The following ITSN1 variants were observed in gnomAD, a reference collection of about 807,000 sequenced individuals.
ITSN1 encodes the protein intersectin-1.
ITSN1 carries 58 observed loss-of-function variants against 239.8 expected under a neutral mutation model. The observed-to-expected ratio is 0.24, with a 90% CI of 0.20 to 0.30. The LOEUF (loss-of-function observed/expected upper bound fraction) is 0.30. Among genes scored for constraint, ITSN1 ranks in the 10% least tolerant of loss-of-function variants. ITSN1 has a pLI of 1.00. For missense variants in ITSN1, 1,558 were observed against 2,103.3 expected, an observed-to-expected ratio of 0.74 and a Z score of 5.07; for synonymous variants, 780 against 770.8, an observed-to-expected ratio of 1.01 and a Z score of -0.20.
intron 20 of ITSN1, among the ~76,000 whole-genome samples, chr21:33,802,946 C>T (rs2072121070): frequency 6.6e-6 from 1 of 152,092 alleles, no homozygotes; most frequent in Non-Finnish European, 1.5e-5. Context: ...AAGGGTTACC[C>T]CTGTTACATA....
chr21:33,821,968 C>T (rs2073703152), intron 24 of ITSN1, among the ~76,000 whole-genome samples: 1 of 152,166 alleles, frequency 6.6e-6, no homozygotes, highest in Admixed American at 6.5e-5. Flanking sequence ...TTAAAGCCAC[C>T]AAACTTTGAT....
At chr21:33,708,248 A>G (rs1437298417) in intron 1 of ITSN1, among the ~76,000 whole-genome samples, 1 of 152,146 alleles carries the variant, frequency 6.6e-6, no homozygotes, top group Non-Finnish European at 1.5e-5. Flanking sequence ...GATATTGTGG[A>G]TACAAGTACT....
At chr21:33,862,803 C>T (rs1318856638) in intron 31 of ITSN1, among the ~76,000 whole-genome samples, 2 of 152,138 alleles carry the variant, frequency 1.3e-5, no homozygotes, top group Non-Finnish European at 2.9e-5. Context: ...GCCTGAGTTT[C>T]CCCAATAGGA....
At chr21:33,794,566 C>G (rs754855925) in intron 17 of ITSN1, 98 bp downstream of exon 17, 14 of 1,470,698 alleles carry the variant, frequency 9.5e-6, no homozygotes, top group Middle Eastern at 1.8e-4. Context: ...CCAGAAAGAG[C>G]CTTCAGTCTT....
In ITSN1 at chr21:33,836,457, G is replaced by T. The variant is rs757002447; in HGVS notation, c.3486G>T (p.Gly1162=). The T allele has an allele frequency of 3.7e-6, 6 of 1,609,398 alleles. No homozygotes were observed. In the South Asian group the frequency reaches 6.6e-5, roughly 18 times the overall value. Residue 1162 remains glycine (G), a synonymous_variant, in exon 29 of 40, where the codon GGG becomes GGT. Coordinates refer to ENST00000381318, the MANE Select transcript of ITSN1 (RefSeq NM_003024.3). ...TALAAVCQVI[G]MYDYTAQNDD... ...CTCCTGCAGTGTGCCAGGTGATTGG[G>T]ATGTACGACTACACCGCGCAGAATG...
In ITSN1 at chr21:33,834,394, G is replaced by C; in HGVS notation, c.3439G>C (p.Glu1147Gln). Reference protein sequence around the residue: ...SPGTSKITPTEPPKSTALAAV... With the variant: ...SPGTSKITPTQPPKSTALAAV... Reference sequence around the variant, plus strand: ...TGGGACGAGCAAAATCACTCCAACAGAGCCACCTAAGTCAACAGCATTAGC... The same window carrying C: ...TGGGACGAGCAAAATCACTCCAACACAGCCACCTAAGTCAACAGCATTAGC... The change falls in exon 28 of 40, where the codon GAG becomes CAG. Residue 1147 changes from glutamate (E) to glutamine (Q), a missense_variant. By Grantham distance (29) the Glu-to-Gln change is conservative. Coordinates refer to ENST00000381318, the MANE Select transcript of ITSN1 (RefSeq NM_003024.3). The C allele has an allele frequency of 6.2e-7, 1 of 1,613,386 alleles. No homozygotes were observed. The highest frequency in any genetic ancestry group is 1.3e-5 in the African/African-American group (1 of 75,044).
chr21:33,757,872 G>A (rs946723840), intron 8 of ITSN1, among the ~76,000 whole-genome samples: 22 of 151,850 alleles, frequency 1.4e-4, no homozygotes, highest in African/African-American at 5.3e-4. Flanking sequence ...GAGCTAAAAA[G>A]CACTTCTTTT....
chr21:33,872,789 C>T (rs922150248), intron 33 of ITSN1, among the ~76,000 whole-genome samples: 13 of 152,254 alleles, frequency 8.5e-5, no homozygotes, highest in African/African-American at 2.9e-4. Context: ...GCTTCGGCCT[C>T]CCAAAGCAAT....
intron 29 of ITSN1, among the ~76,000 whole-genome samples, chr21:33,848,718 C>T (rs2075061862): frequency 6.6e-6 from 1 of 152,252 alleles, no homozygotes; most frequent in Admixed American, 6.5e-5. Context: ...ACGCCCATGA[C>T]TCACCATCAC....
chr21:33,828,633 C>CT (rs966821130), intron 26 of ITSN1, among the ~76,000 whole-genome samples: 1 of 152,098 alleles, frequency 6.6e-6, no homozygotes, highest in Non-Finnish European at 1.5e-5. Flanking sequence ...CCTCTTTCTT[C>CT]TTTTTTTTCT....
Position 33,748,594 on chromosome 21 carries a change from C to T in ITSN1, c.347-1549C>T, listed in dbSNP as rs145360951. Among the ~76,000 whole-genome samples the T allele has an allele frequency of 6.5e-3, 995 of 152,056 alleles. 13 individuals are homozygous for T. Among genetic ancestry groups the T allele is most frequent in the African/African-American group, 0.023 (949 of 41,466 alleles). ...GTGACTCACGCTTGTAATCCCAGCA[C>T]TTTGAGAGGCTGAGGCAGGACGATC... On this transcript the variant is annotated intron_variant, in intron 5 of 39. Coordinates refer to ENST00000381318, the MANE Select transcript of ITSN1 (RefSeq NM_003024.3).
At chr21:33,748,018 GGGC>G (rs1251544608) in intron 5 of ITSN1, among the ~76,000 whole-genome samples, 50 of 152,206 alleles carry the variant, frequency 3.3e-4, no homozygotes, top group Non-Finnish European at 1.5e-5. Flanking sequence ...CTCTATTATT[GGGC>G]TTATAACATA....
intron 9 of ITSN1, 80 bp from the exon 10 acceptor site, chr21:33,765,795 A>C: frequency 6.7e-7 from 1 of 1,496,586 alleles, no homozygotes; most frequent in Non-Finnish European, 9.3e-7. Flanking sequence ...ATAAGAAAAC[A>C]TAACTTTTAA....
chr21:33,703,498 A>G (rs1031323987), intron 1 of ITSN1, among the ~76,000 whole-genome samples: 10 of 152,174 alleles, frequency 6.6e-5, no homozygotes, highest in East Asian at 5.8e-4. Flanking sequence ...ATGTTTTTCT[A>G]TTTTTTGTAC....
intron 5 of ITSN1, among the ~76,000 whole-genome samples, chr21:33,749,425 C>G (rs534745353): frequency 2.0e-5 from 3 of 152,144 alleles, no homozygotes; most frequent in Admixed American, 6.5e-5. Context: ...GGTGGATCAC[C>G]TGAGGTCAGG....
Position 33,884,830 on chromosome 21 carries a change from G to A in ITSN1, c.4677-211G>A, listed in dbSNP as rs557568425. ...CGGGGACATCATCGCAGGTCTTGAG[G>A]ACATCCATGGAAATGGCCCTCATGC... On this transcript the variant is annotated intron_variant, in intron 36 of 39. Transcript: ENST00000381318. 2.0e-5 allele frequency among the ~76,000 whole-genome samples: 3 copies of A among 152,328 alleles called. No homozygotes were observed. The East Asian group carries it at 5.8e-4, about 29-fold the overall frequency.
chr21:33,764,808 C>T (rs1213729837), intron 9 of ITSN1, among the ~76,000 whole-genome samples: 1 of 152,160 alleles, frequency 6.6e-6, no homozygotes, highest in African/African-American at 2.4e-5. Flanking sequence ...TTTGATGGTC[C>T]AGAAATTGTT....
chr21:33,803,513 A>C (rs1259634037), intron 20 of ITSN1, among the ~76,000 whole-genome samples: 1 of 152,238 alleles, frequency 6.6e-6, no homozygotes, highest in African/African-American at 2.4e-5. Context: ...ACATATACAC[A>C]TAAGATTTCC....
intron 29 of ITSN1, among the ~76,000 whole-genome samples, chr21:33,841,445 C>T (rs1196304424): frequency 6.6e-6 from 1 of 152,156 alleles, no homozygotes; most frequent in African/African-American, 2.4e-5. Context: ...CTATAGAAAA[C>T]ACCAGTCTCA....
Sources: allele counts gnomAD v4.1 joint callset (sites outside exome capture counted in the v4.1 genomes callset), GRCh38; gene constraint gnomAD v4.1.1; transcripts MANE v1.5; gene names NCBI Gene and HGNC (gene_info 2026-07-23, HGNC 2026-07-21).